The following CCDC102B variants were observed in gnomAD, a reference collection of about 807,000 sequenced individuals.
CCDC102B encodes the protein coiled-coil domain-containing protein 102B.
CCDC102B carries 75 observed loss-of-function variants against 57.4 expected under a neutral mutation model. The ratio of observed to expected loss-of-function variants is 1.31; its 90% CI spans 1.08 to 1.58. The LOEUF (loss-of-function observed/expected upper bound fraction) is 1.58, where lower values mean the gene tolerates loss of function less well. Among genes scored for constraint, CCDC102B ranks in the 40% most tolerant of loss-of-function variants. The pLI, the probability that CCDC102B is intolerant of heterozygous loss-of-function variation, is 0.00. For synonymous variants in CCDC102B, 206 were observed against 201.9 expected (o/e 1.02, Z -0.17); for missense variants, 636 against 582.6 (o/e 1.09, Z -0.94).
At chr18:69,020,944 G>A (rs1401999680) in intron 7 of CCDC102B, among the ~76,000 whole-genome samples, 1 of 152,158 alleles carries the variant, frequency 6.6e-6, no homozygotes, top group Non-Finnish European at 1.5e-5. Context: ...ATACAAGATA[G>A]TATTGAGGCT....
intron 1 of CCDC102B, among the ~76,000 whole-genome samples, chr18:68,801,972 A>C (rs993610181): frequency 1.3e-5 from 2 of 152,184 alleles, no homozygotes; most frequent in Non-Finnish European, 2.9e-5. Context: ...GTTTTGAACA[A>C]GCGTTTCTTC....
intron 6 of CCDC102B, among the ~76,000 whole-genome samples, chr18:68,984,580 C>A (rs1398031110): frequency 6.6e-6 from 1 of 152,028 alleles, no homozygotes; most frequent in Non-Finnish European, 1.5e-5. Flanking sequence ...AGCTCTGGAG[C>A]AAAACTGGAC....
chr18:68,802,702 A>G (rs1782205350), intron 1 of CCDC102B, among the ~76,000 whole-genome samples: 3 of 152,182 alleles, frequency 2.0e-5, no homozygotes, highest in Admixed American at 6.5e-5. Flanking sequence ...TGTGGCTATA[A>G]GTTTCTTCCA....
chr18:69,026,808 G>A (rs2145433732), intron 7 of CCDC102B, among the ~76,000 whole-genome samples: 1 of 152,278 alleles, frequency 6.6e-6, no homozygotes, highest in Admixed American at 6.5e-5. Context: ...GTGTTTAGCA[G>A]AGAAAATATA....
chr18:68,749,175 G>A (rs1462885143), intron 2 of CCDC102B, among the ~76,000 whole-genome samples: 1 of 152,128 alleles, frequency 6.6e-6, no homozygotes, highest in East Asian at 1.9e-4. Flanking sequence ...TTTGGTTACT[G>A]TAGCCTTGTA....
intron 2 of CCDC102B, among the ~76,000 whole-genome samples, chr18:68,758,556 ATAATG>A (rs1426686774): frequency 6.6e-6 from 1 of 152,028 alleles, no homozygotes; most frequent in African/African-American, 2.4e-5. Flanking sequence ...GTTATAATCT[ATAATG>A]TAAGCATCAC....
chr18:68,916,969 G>A (rs2041094502), intron 6 of CCDC102B, among the ~76,000 whole-genome samples: 1 of 152,140 alleles, frequency 6.6e-6, no homozygotes, highest in Non-Finnish European at 1.5e-5. Flanking sequence ...GGTGAGCACA[G>A]AGGTGCAGGC....
At chr18:68,981,304 G>A (rs1442355436) in intron 6 of CCDC102B, among the ~76,000 whole-genome samples, 2 of 152,012 alleles carry the variant, frequency 1.3e-5, no homozygotes, top group African/African-American at 4.8e-5. Context: ...AACCAATAAA[G>A]TAAGAGACTT....
intron 1 of CCDC102B, among the ~76,000 whole-genome samples, chr18:68,826,893 T>C (rs2144754700): frequency 6.6e-6 from 1 of 152,256 alleles, no homozygotes; most frequent in South Asian, 2.1e-4. Flanking sequence ...AAATGAAAGA[T>C]TTATATGCCA....
intron 2 of CCDC102B, among the ~76,000 whole-genome samples, chr18:68,786,583 G>A (rs1342579128): frequency 1.9e-3 from 231 of 122,232 alleles, no homozygotes; most frequent in Admixed American, 2.3e-3. Context: ...TATTCTCTTT[G>A]AAGCAATTGT....
intron 6 of CCDC102B, among the ~76,000 whole-genome samples, chr18:68,943,803 A>C (rs1263373552): frequency 6.6e-6 from 1 of 152,180 alleles, no homozygotes; most frequent in Non-Finnish European, 1.5e-5. Flanking sequence ...GGGCTTGATT[A>C]ACTTTTATAC....
chr18:68,973,884 G>A (rs2050365442), intron 6 of CCDC102B, among the ~76,000 whole-genome samples: 2 of 151,996 alleles, frequency 1.3e-5, no homozygotes, highest in South Asian at 4.1e-4. Context: ...GTACAAAATG[G>A]TGATAGAACT....
At chr18:69,010,070 T>C (rs2051468052) in intron 6 of CCDC102B, among the ~76,000 whole-genome samples, 1 of 147,268 alleles carries the variant, frequency 6.8e-6, no homozygotes, top group South Asian at 2.2e-4. Flanking sequence ...TAGCTGGGAC[T>C]ACAGGCGTCC....
intron 7 of CCDC102B, among the ~76,000 whole-genome samples, chr18:69,033,783 A>G (rs941559712): frequency 7.9e-5 from 12 of 151,974 alleles, no homozygotes; most frequent in African/African-American, 2.9e-4. Flanking sequence ...CTATTTTTCA[A>G]AATGGTTCCA....
intron 2 of CCDC102B, among the ~76,000 whole-genome samples, chr18:68,787,714 T>TC (rs1037930732): frequency 6.7e-6 from 1 of 148,494 alleles, no homozygotes; most frequent in African/African-American, 2.5e-5. Context: ...TTGATTCTTC[T>TC]CTCTTTTTTT....
At chr18:68,886,973 C>A (rs2039911230) in intron 5 of CCDC102B, among the ~76,000 whole-genome samples, 2 of 151,772 alleles carry the variant, frequency 1.3e-5, no homozygotes, top group African/African-American at 4.8e-5. Context: ...ACTTATGAGG[C>A]AATCCCATAA....
intron 5 of CCDC102B, 71 bp downstream of exon 5, chr18:68,874,856 T>A (rs1045918492): frequency 2.0e-5 from 19 of 965,752 alleles, no homozygotes; most frequent in Non-Finnish European, 2.9e-5. Flanking sequence ...CATACTATTT[T>A]AAGTAGGGTA....
chr18:68,839,901 G>C lies in CCDC102B; in HGVS notation c.827+975G>C, dbSNP rs182334828. ...TCTGACTCAGATTAAAGAGAGAGAG[G>C]CACTTTCAATGGAAGGAGTGTGAAA... On this transcript the variant is annotated intron_variant, in intron 3 of 7. Transcript: ENST00000360242. 2.7e-3 allele frequency among the ~76,000 whole-genome samples: 404 copies of C among 152,298 alleles called. 1 individual carries two copies. The highest frequency in any genetic ancestry group is 9.4e-3 in the African/African-American group (392 of 41,572).
intron 7 of CCDC102B, among the ~76,000 whole-genome samples, chr18:69,021,770 A>T (rs2145421073): frequency 6.6e-6 from 1 of 152,310 alleles, no homozygotes; most frequent in South Asian, 2.1e-4. Flanking sequence ...TGCCTCTAGC[A>T]CTGCCAGCTC....
Sources: gnomAD v4.1 joint callset for allele counts (sites outside exome capture counted in the v4.1 genomes callset) on GRCh38, gnomAD v4.1.1 for gene constraint, MANE v1.5 for transcripts, NCBI Gene and HGNC (gene_info 2026-07-23, HGNC 2026-07-21) for gene names.